DOCK4: variants seen among roughly 807,000 people sequenced by gnomAD.
The protein encoded by DOCK4 is dedicator of cytokinesis protein 4.
DOCK4 carries 97 observed loss-of-function variants against 268.1 expected under a neutral mutation model. The ratio of observed to expected loss-of-function variants is 0.36; its 90% CI spans 0.31 to 0.43. DOCK4 has a LOEUF of 0.43. DOCK4 is among the 20% of genes least tolerant of loss of function. The pLI is 1.00. For synonymous variants in DOCK4, 954 were observed against 887.2 expected (o/e 1.08, Z -1.34); for missense variants, 2,145 against 2,455.7 (o/e 0.87, Z 2.67).
chr7:112,100,885 TAAGGG>T (rs1449391615), intron 1 of DOCK4, among the ~76,000 whole-genome samples: 2 of 152,180 alleles, frequency 1.3e-5, no homozygotes, highest in Non-Finnish European at 2.9e-5. Context: ...ATCAGGGATA[TAAGGG>T]AAGCATTTAA....
intron 1 of DOCK4, among the ~76,000 whole-genome samples, chr7:112,200,455 A>G (rs1217763134): frequency 6.6e-6 from 1 of 152,136 alleles, no homozygotes; most frequent in African/African-American, 2.4e-5. Context: ...GTAGACTCAG[A>G]TAAAATAATT....
intron 9 of DOCK4, 67 bp from the exon 10 acceptor site, chr7:111,944,938 T>A: frequency 2.3e-6 from 3 of 1,284,954 alleles, no homozygotes; most frequent in Non-Finnish European, 3.4e-6. Context: ...TAGCACTTTA[T>A]TTTCACAAAT....
intron 1 of DOCK4, among the ~76,000 whole-genome samples, chr7:112,081,977 G>A (rs1682749905): frequency 6.6e-6 from 1 of 152,140 alleles, no homozygotes; most frequent in Admixed American, 6.6e-5. Flanking sequence ...AATTGGGCAA[G>A]TCACTGAAGG....
chr7:111,755,799 A>C (rs528917067), intron 41 of DOCK4, among the ~76,000 whole-genome samples, 198 bp from the exon 42 acceptor site: 25 of 152,356 alleles, frequency 1.6e-4, no homozygotes, highest in African/African-American at 6.0e-4. Context: ...GTATGTCATC[A>C]AACTTTTTTC....
chr7:111,935,701 G>T, intron 11 of DOCK4, 73 bp from the exon 12 acceptor site: 4 of 1,326,684 alleles, frequency 3.0e-6, no homozygotes, highest in Middle Eastern at 3.7e-4. Context: ...TAGTACATCT[G>T]CCCTTTTCGT....
chr7:111,739,185 T>G lies in DOCK4; in HGVS notation c.5181A>C (p.Pro1727=). 6.2e-7 allele frequency: 1 copy of G among 1,614,006 alleles called. No homozygotes were observed. Among genetic ancestry groups the G allele is most frequent in the Non-Finnish European group, 8.5e-7 (1 of 1,179,884 alleles). Residue 1727 remains proline (P), a synonymous_variant, in exon 49 of 53, where the codon CCA becomes CCC. Coordinates refer to ENST00000428084, the MANE Select transcript of DOCK4 (RefSeq NM_001363540.2). ...AGATGGCACTGCATGGTCTCTCTCTTGGTGACAGGCAAGAGTTTTCTCGGG... is the reference window on the plus strand; with the variant it reads ...AGATGGCACTGCATGGTCTCTCTCTGGGTGACAGGCAAGAGTTTTCTCGGG... The part of the protein sequence containing the change: ...KHSRENSCLS[P]RERPCSAIYP...
chr7:112,192,891 T>C (rs753166038), intron 1 of DOCK4, among the ~76,000 whole-genome samples: 13 of 151,910 alleles, frequency 8.6e-5, no homozygotes, highest in Non-Finnish European at 1.5e-4. Flanking sequence ...AACAAGTAAA[T>C]CTTTAGAGGA....
chr7:111,754,781 T>C (rs1796910749), intron 42 of DOCK4, among the ~76,000 whole-genome samples: 1 of 152,090 alleles, frequency 6.6e-6, no homozygotes, highest in South Asian at 2.1e-4. Context: ...TGGGGTCACA[T>C]TTTACAACCG....
intron 1 of DOCK4, among the ~76,000 whole-genome samples, chr7:112,126,568 T>G (rs1402422554): frequency 1.3e-5 from 2 of 152,114 alleles, no homozygotes; most frequent in African/African-American, 4.8e-5. Context: ...GGGATCTAAT[T>G]AAACTAAAAA....
intron 12 of DOCK4, among the ~76,000 whole-genome samples, chr7:111,917,691 G>A (rs989290890): frequency 1.3e-5 from 2 of 150,142 alleles, no homozygotes; most frequent in Admixed American, 6.6e-5. Context: ...GGGTGACAGA[G>A]CGAGACCCCA....
intron 1 of DOCK4, among the ~76,000 whole-genome samples, chr7:112,173,883 G>A (rs1179739712): frequency 6.6e-6 from 1 of 152,130 alleles, no homozygotes; most frequent in African/African-American, 2.4e-5. Context: ...TACCTGTGCG[G>A]CCTGACAACA....
At chr7:111,875,174 T>A (rs1806750946) in intron 17 of DOCK4, among the ~76,000 whole-genome samples, 1 of 152,214 alleles carries the variant, frequency 6.6e-6, no homozygotes, top group Non-Finnish European at 1.5e-5. Flanking sequence ...GAAACACTTA[T>A]CCGTCTCCAA....
At chr7:112,062,572 T>C (rs1806521165) in intron 1 of DOCK4, among the ~76,000 whole-genome samples, 1 of 152,112 alleles carries the variant, frequency 6.6e-6, no homozygotes, top group Non-Finnish European at 1.5e-5. Context: ...CCAAAAACAG[T>C]GATGAGTGAT....
chr7:112,030,834 CT>C (rs1803212290), intron 1 of DOCK4, among the ~76,000 whole-genome samples: 1 of 152,138 alleles, frequency 6.6e-6, no homozygotes, highest in Non-Finnish European at 1.5e-5. Flanking sequence ...AGTTCATGAA[CT>C]TTTTAAAAGC....
At chr7:111,735,198 C>G in intron 50 of DOCK4, 31 bp from the exon 51 acceptor site, 1 of 1,457,412 alleles carries the variant, frequency 6.9e-7, no homozygotes, top group East Asian at 2.4e-5. Context: ...TAAAAACACA[C>G]GGTCCAGCTT....
At chr7:112,068,006 AT>A (rs1211129965) in intron 1 of DOCK4, among the ~76,000 whole-genome samples, 3 of 138,180 alleles carry the variant, frequency 2.2e-5, no homozygotes, top group Admixed American at 6.9e-5. Context: ...GTATGTAATT[AT>A]ATACAGAGCC....
intron 1 of DOCK4, among the ~76,000 whole-genome samples, chr7:112,100,696 C>G (rs1369809693): frequency 6.6e-6 from 1 of 152,248 alleles, no homozygotes; most frequent in African/African-American, 2.4e-5. Flanking sequence ...AGACTCAGAG[C>G]TCAGTGAATT....
At chr7:111,834,426 C>A (rs1803077082) in intron 26 of DOCK4, among the ~76,000 whole-genome samples, 162 bp downstream of exon 26, 1 of 151,880 alleles carries the variant, frequency 6.6e-6, no homozygotes, top group Admixed American at 6.6e-5. Context: ...TCTTTAAAAG[C>A]CAATATAGAT....
chr7:111,796,676 G>C (rs535744657), intron 30 of DOCK4, among the ~76,000 whole-genome samples: 4 of 152,170 alleles, frequency 2.6e-5, no homozygotes, highest in Non-Finnish European at 5.9e-5. Context: ...AAGTGCTTTA[G>C]CATGGGCCAT....
Sources: allele counts gnomAD v4.1 joint callset (sites outside exome capture counted in the v4.1 genomes callset), GRCh38; gene constraint gnomAD v4.1.1; transcripts MANE v1.5; gene names NCBI Gene and HGNC (gene_info 2026-07-23, HGNC 2026-07-21).